The following ATP8B2 variants were observed in gnomAD, a reference collection of about 807,000 sequenced individuals.
ATP8B2 encodes ATPase phospholipid transporting 8B2, also known as phospholipid-transporting ATPase ID.
ATP8B2 carries 70 observed loss-of-function variants against 133.4 expected under a neutral mutation model. The ratio of observed to expected loss-of-function variants is 0.52; its 90% CI spans 0.43 to 0.64. ATP8B2 has a LOEUF of 0.64. ATP8B2 is among the 30% of genes least tolerant of loss of function. The pLI is 0.00. For synonymous variants in ATP8B2, 517 were observed against 589.5 expected, an observed-to-expected ratio of 0.88 and a Z score of 1.78; for missense variants, 1,101 against 1,535.7, an observed-to-expected ratio of 0.72 and a Z score of 4.73.
Position 154,346,868 on chromosome 1 carries a change from GTTTAT to G in ATP8B2, c.3163+118_3163+122del. ...ACATTTCTTATGTGCCAAGTATTCT[GTTTAT>G]TTTATTTATTTATTTATTTATTTTC... On this transcript the variant is annotated intron_variant, in intron 26 of 27. Coordinates refer to ENST00000368489, the MANE Select transcript of ATP8B2 (RefSeq NM_001370597.1). This position sits in a 1 kb window ranked among gnomAD's most constrained non-coding sequence, Gnocchi z 4.5. 1.5e-5 allele frequency: 17 copies of G among 1,121,500 alleles called. No homozygotes were observed. Among genetic ancestry groups the G allele is most frequent in the Non-Finnish European group, 2.0e-5 (16 of 808,064 alleles). The allele number at this position is 1,121,500 out of a possible 1,614,324, so 69.5% of individuals were successfully genotyped here.
At position 154,344,917 on chromosome 1, in the gene ATP8B2, A is replaced by T; in HGVS notation, c.2287-54A>T. The stretch of plus-strand genomic sequence containing the variant: ...TCAAAGGGGACTGGGAGGAGCTGAG[A>T]CTCCCAGGTGTCTCCTGGAAAGACT... On this transcript the variant is annotated intron_variant, in intron 21 of 27. Transcript: ENST00000368489. This position sits in a 1 kb window ranked among gnomAD's most constrained non-coding sequence, Gnocchi z 4.1. The T allele has an allele frequency of 1.9e-6, 3 of 1,562,838 alleles. No homozygotes were observed. The highest frequency in any genetic ancestry group is 2.6e-6 in the Non-Finnish European group (3 of 1,152,242).
At position 154,344,862 on chromosome 1, in the gene ATP8B2, A is replaced by C. The variant is rs764072076; in HGVS notation, c.2286+77A>C. 5 of 1,545,468 alleles carry C rather than the reference A, an allele frequency of 3.2e-6. No individual in the cohort carries two copies. Among genetic ancestry groups the C allele is most frequent in the Non-Finnish European group, 4.4e-6 (5 of 1,144,752 alleles). The stretch of plus-strand genomic sequence containing the variant: ...GTCCAGGGCTTTTATATCTTGTTCT[A>C]ATTTCCCCTGATTTCAGAGAAGACT... On this transcript the variant is annotated intron_variant, in intron 21 of 27. Transcript: ENST00000368489. This position sits in a 1 kb window ranked among gnomAD's most constrained non-coding sequence, Gnocchi z 4.1.
rs746917450 is a variant in ATP8B2, at chr1:154,340,825, C to T, written c.1035-29C>T. 6.2e-7 allele frequency: 1 copy of T among 1,610,562 alleles called. No individual in the cohort carries two copies. Among genetic ancestry groups the T allele is most frequent in the Admixed American group, 1.7e-5 (1 of 59,990 alleles). Reference sequence around the variant, plus strand: ...TGGGGCACCTCCTCTTCTTCCCGACCCAAGCCTCACCTCTTGTCCCCTGTG... The same window carrying T: ...TGGGGCACCTCCTCTTCTTCCCGACTCAAGCCTCACCTCTTGTCCCCTGTG... On this transcript the variant is annotated intron_variant, in intron 12 of 27. Transcript: ENST00000368489. The surrounding 1 kb of genome is among the most constrained non-coding windows in gnomAD (Gnocchi z 4.0).
rs369324434 is a variant in ATP8B2 at position 154,327,742 on chromosome 1, T to C, written c.-37-363T>C. The C allele has an allele frequency of 3.5e-5, 54 of 1,540,920 alleles. 1 individual carries two copies. In the African/African-American group the frequency reaches 7.1e-4, roughly 20 times the overall value. On this transcript the variant is annotated intron_variant, in intron 1 of 27. Transcript: ENST00000368489. ...ACCCTTTGGGGAAACTGCTTTCTAG[T>C]AAGCACAAGCACTACTCATTGCCGC...
chr1:154,348,266 T>C (rs1686659917), intron 26 of ATP8B2, 142 bp from the exon 27 acceptor site: 1 of 912,324 alleles, frequency 1.1e-6, no homozygotes, highest in African/African-American at 1.7e-5. Flanking sequence ...TTTGGAGATT[T>C]ACATTTGGAG....
At chr1:154,325,862 G>A (rs997411877) in intron 1 of ATP8B2, among the ~76,000 whole-genome samples, 160 bp downstream of exon 1, 8 of 152,180 alleles carry the variant, frequency 5.3e-5, no homozygotes, top group Non-Finnish European at 8.8e-5. Context: ...GACGGGGCGG[G>A]GATGGCGGCC....
intron 2 of ATP8B2, among the ~76,000 whole-genome samples, chr1:154,329,861 AG>A (rs1421330047): frequency 2.6e-5 from 4 of 152,052 alleles, no homozygotes; most frequent in Admixed American, 1.3e-4. Flanking sequence ...AGGCTCCTGT[AG>A]GGGGGACTGC....
intron 3 of ATP8B2, 155 bp downstream of exon 3, chr1:154,330,609 T>G: frequency 8.4e-6 from 7 of 830,750 alleles, no homozygotes; most frequent in Non-Finnish European, 1.3e-5. Context: ...TCGTGCTGAA[T>G]TTTTCATGCC....
Position 154,343,901 on chromosome 1 carries a change from A to G in ATP8B2, c.1767A>G (p.Ala589=), listed in dbSNP as rs1172273869. ...TTCCACTCTGCCTCCAGGAGTACGC[A>G]GGGGAAGGGCTGAGGACCCTGGTGC... ...NTTMDHLNEY[A]GEGLRTLVLA... The change falls in exon 18 of 28, where the codon GCA becomes GCG. Residue 589 remains alanine, a synonymous_variant. Transcript: ENST00000368489. The surrounding 1 kb of genome is among the most constrained non-coding windows in gnomAD (Gnocchi z 5.8). 6.2e-7 allele frequency: 1 copy of G among 1,609,594 alleles called. No homozygotes were observed. The highest frequency in any genetic ancestry group is 2.2e-5 in the East Asian group (1 of 44,826).
In ATP8B2 at chr1:154,349,314, A is replaced by G. The variant is rs1468625389; in HGVS notation, c.*196A>G. The stretch of plus-strand genomic sequence containing the variant: ...AGGCCCTTCCACCAGCTGGGGAGCT[A>G]GAGGGAGCAGGCCCAAGGGCAGAGC... On this transcript the variant is annotated 3_prime_UTR_variant, in exon 28 of 28. Transcript: ENST00000368489. 3.8e-6 allele frequency: 3 copies of G among 797,482 alleles called. No homozygotes were observed. The highest frequency in any genetic ancestry group is 5.8e-6 in the Non-Finnish European group (3 of 518,066). The allele number at this position is 797,482 out of a possible 1,614,324, so 49.4% of individuals were successfully genotyped here. A position where few individuals can be genotyped will look rare whatever the true frequency, so the allele number is the denominator to read the frequency against.
rs937363337 is a variant in ATP8B2, at chr1:154,332,656, C to T, written c.548C>T (p.Thr183Ile). ...NMKVRQAIPVTSELGDISKLA... is the reference protein window; with the variant it reads ...NMKVRQAIPVISELGDISKLA... ...AAAGTACGTCAGGCGATTCCAGTCA[C>T]CTCAGAATTGGGAGACATCAGTAAG... The change falls in exon 9 of 28, where the codon ACC becomes ATC. Residue 183 changes from threonine (T) to isoleucine (I), a missense_variant. Thr to Ile is a moderately conservative substitution (Grantham distance 89, BLOSUM62 -1). Transcript: ENST00000368489. 1.3e-6 allele frequency: 2 copies of T among 1,588,526 alleles called. No individual in the cohort carries two copies. Among genetic ancestry groups the T allele is most frequent in the Admixed American group, 1.8e-5 (1 of 56,528 alleles).
Position 154,331,959 on chromosome 1 carries a change from TCTC to T in ATP8B2, c.453_455del (p.Leu152del). 1.2e-6 allele frequency: 2 copies of T among 1,614,010 alleles called. No individual in the cohort carries two copies. Among genetic ancestry groups the T allele is most frequent in the South Asian group, 1.1e-5 (1 of 91,082 alleles). ...TCATTAGTTTTTCTCTCTAGGCGGA[TCTC>T]CTCCTCCTTTCCAGCAGTGAGCCCC... On this transcript the variant is annotated inframe_deletion, in exon 8 of 28. Coordinates refer to ENST00000368489, the MANE Select transcript of ATP8B2 (RefSeq NM_001370597.1). The surrounding 1 kb of genome is among the most constrained non-coding windows in gnomAD (Gnocchi z 4.8).
chr1:154,325,614 T>TG lies in ATP8B2; in HGVS notation c.-122dup, dbSNP rs1270554114. 6.7e-6 allele frequency: 1 copy of TG among 150,138 alleles called. No homozygotes were observed. The highest frequency in any genetic ancestry group is 1.5e-5 in the Non-Finnish European group (1 of 67,540). 9.3% of individuals were successfully genotyped at this position (150,138 alleles called of 1,614,324 possible). A position where few individuals can be genotyped will look rare whatever the true frequency, so the allele number is the denominator to read the frequency against. On this transcript the variant is annotated 5_prime_UTR_variant, in exon 1 of 28. Coordinates refer to ENST00000368489, the MANE Select transcript of ATP8B2 (RefSeq NM_001370597.1). ...CCGCAGCTGGGGGGGCGGGAGCCCG[T>TG]GGGGAGCCGAGCCGAGCGCCCCCCG...
rs1419456476 is a variant in ATP8B2 at position 154,349,712 on chromosome 1, C to CA, written c.*595dup. 2 of 154,182 alleles carry CA rather than the reference C, an allele frequency of 1.3e-5. No individual in the cohort carries two copies. The highest frequency in any genetic ancestry group is 4.8e-5 in the African/African-American group (2 of 41,442). 9.6% of individuals were successfully genotyped at this position (154,182 alleles called of 1,614,324 possible). A position where few individuals can be genotyped will look rare whatever the true frequency, so the allele number is the denominator to read the frequency against. ...AACTCTCCTGGGAAAAGGAGGCTGG[C>CA]ACACACTGGGATGCCGCAGCCTGGC... On this transcript the variant is annotated 3_prime_UTR_variant, in exon 28 of 28. Transcript: ENST00000368489.
At chr1:154,337,855 C>T (rs1372856767) in intron 12 of ATP8B2, 4 of 1,013,378 alleles carry the variant, frequency 3.9e-6, no homozygotes, top group Non-Finnish European at 4.1e-6. Context: ...AATGGATCTC[C>T]TTCCTTCTAG....
rs749042644 is a variant in ATP8B2 at position 154,334,120 on chromosome 1, T to C, written c.603T>C (p.Cys201=). 5.6e-6 allele frequency: 9 copies of C among 1,614,178 alleles called. No individual in the cohort carries two copies. Among genetic ancestry groups the C allele is most frequent in the Admixed American group, 3.3e-5 (2 of 60,024 alleles). Residue 201 remains cysteine, a synonymous_variant, in exon 10 of 28, where the codon TGT becomes TGC. Coordinates refer to ENST00000368489, the MANE Select transcript of ATP8B2 (RefSeq NM_001370597.1). This position sits in a 1 kb window ranked among gnomAD's most constrained non-coding sequence, Gnocchi z 4.6. ...TCTCCTGTTCAGGTGAAGTGATCTG[T>C]GAACCTCCCAACAACAAACTGGACA... ...KLAKFDGEVI[C]EPPNNKLDKF... is the part of the protein sequence containing the mutation.
intron 13 of ATP8B2, among the ~76,000 whole-genome samples, 159 bp from the exon 14 acceptor site, chr1:154,342,321 G>C (rs1231834076): frequency 1.3e-5 from 2 of 151,928 alleles, no homozygotes; most frequent in Non-Finnish European, 2.9e-5. Flanking sequence ...TATCCCGCGA[G>C]TCAGCAATGT....
chr1:154,334,407 T>C lies in ATP8B2; in HGVS notation c.749-96T>C. The stretch of plus-strand genomic sequence containing the variant: ...AGGCTTCTTATCTAGCCAGTATCTC[T>C]ATTCCACCCTGGTGTCCTGCAGTCT... On this transcript the variant is annotated intron_variant, in intron 10 of 27. Coordinates refer to ENST00000368489, the MANE Select transcript of ATP8B2 (RefSeq NM_001370597.1). The surrounding 1 kb of genome is among the most constrained non-coding windows in gnomAD (Gnocchi z 4.6). 6.6e-7 allele frequency: 1 copy of C among 1,518,268 alleles called. No individual in the cohort carries two copies. The highest frequency in any genetic ancestry group is 9.1e-7 in the Non-Finnish European group (1 of 1,102,360). The allele number at this position is 1,518,268 out of a possible 1,614,324, so 94.0% of individuals were successfully genotyped here.
At position 154,348,805 on chromosome 1, in the gene ATP8B2, G is replaced by A. The variant is rs185298684; in HGVS notation, c.3295-35G>A. 3.4e-3 allele frequency: 5,235 copies of A among 1,542,564 alleles called. 11 individuals are homozygous for A. Among genetic ancestry groups the A allele is most frequent in the Non-Finnish European group, 4.3e-3 (4,894 of 1,137,432 alleles). ...CCTTGGCGATATCTGACACCTCCAC[G>A]CTGACAGAGGGCTCTTCCCTGTGCC... On this transcript the variant is annotated intron_variant, in intron 27 of 27. Transcript: ENST00000368489.
Sources: allele counts gnomAD v4.1 joint callset (sites outside exome capture counted in the v4.1 genomes callset), GRCh38; gene constraint gnomAD v4.1.1; non-coding constraint Gnocchi (gnomAD v3.1); transcripts MANE v1.5; gene names NCBI Gene and HGNC (gene_info 2026-07-23, HGNC 2026-07-21).